Variants in CCDC3 observed in about 807,000 individuals in gnomAD.
The protein encoded by CCDC3 is coiled-coil domain containing 3, also known as coiled-coil domain-containing protein 3.
CCDC3 carries 24 observed loss-of-function variants against 21.4 expected under a neutral mutation model. The ratio of observed to expected loss-of-function variants is 1.12; its 90% CI spans 0.81 to 1.58. The LOEUF (loss-of-function observed/expected upper bound fraction) is 1.58. Ranked by LOEUF, CCDC3 falls within the 40% of genes most tolerant of loss-of-function variation. The pLI is 0.00. For missense variants in CCDC3, 425 were observed against 360.9 expected (o/e 1.18, Z -1.44); for synonymous variants, 186 against 166.0 (o/e 1.12, Z -0.93).
intron 5 of CCDC3, among the ~76,000 whole-genome samples, chr10:13,043,306 G>A (rs1836485610): frequency 6.6e-6 from 1 of 152,060 alleles, no homozygotes; most frequent in African/African-American, 2.4e-5. Flanking sequence ...CAAAGACAAA[G>A]ATAAGCTGGG....
chr10:13,069,560 C>T (rs1281350665), intron 4 of CCDC3, among the ~76,000 whole-genome samples: 2 of 152,110 alleles, frequency 1.3e-5, no homozygotes, highest in Admixed American at 1.3e-4. Context: ...CAAAATCAAA[C>T]TTCAGTTTCA....
chr10:12,925,487 CA>C (rs1393587498), intron 2 of CCDC3, among the ~76,000 whole-genome samples: 2 of 152,262 alleles, frequency 1.3e-5, no homozygotes, highest in African/African-American at 4.8e-5. Context: ...CAACTCCCCA[CA>C]AGCGGCCAGT....
At chr10:13,056,716 G>A (rs1016310633) in intron 4 of CCDC3, among the ~76,000 whole-genome samples, 8 of 152,212 alleles carry the variant, frequency 5.3e-5, no homozygotes, top group African/African-American at 1.7e-4. Flanking sequence ...TGGGGTCAGA[G>A]TAACCAGGTT....
Position 12,898,541 on chromosome 10 carries a change from G to T in CCDC3, c.688C>A (p.Gln230Lys). 6.2e-7 allele frequency: 1 copy of T among 1,614,198 alleles called. No individual in the cohort carries two copies. The change falls in exon 3 of 3, where the codon CAG becomes AAG. Residue 230 changes from glutamine to lysine, a missense_variant. Gln to Lys is a moderately conservative substitution (Grantham distance 53). Transcript: ENST00000378825. ...AGGTGGCGGCCCTTCTTACGCGCCT[G>T]CCGCAAGGACCTCTTGACCTTCTTC... is the stretch of plus-strand genomic sequence containing the variant. ...RVKKVKRSLR[Q>K]ARKKGRHLEL...
chr10:12,953,988 C>CTG (rs149108741), intron 2 of CCDC3, among the ~76,000 whole-genome samples: 1,559 of 152,310 alleles, frequency 0.01, 26 homozygotes, highest in African/African-American at 0.035. Flanking sequence ...CTGAGCATGG[C>CTG]TGTGATCCAA....
intron 2 of CCDC3, among the ~76,000 whole-genome samples, chr10:12,948,883 C>A (rs1410512584): frequency 7.7e-6 from 1 of 130,592 alleles, no homozygotes. Context: ...AGGCGCCCAC[C>A]ACCATGCCCG....
intron 2 of CCDC3, among the ~76,000 whole-genome samples, chr10:12,989,025 GTCAC>G (rs1835641292): frequency 6.6e-6 from 1 of 152,186 alleles, no homozygotes; most frequent in Admixed American, 6.5e-5. Context: ...TATATGCTTA[GTCAC>G]TCTCCAAAGT....
At chr10:12,988,347 T>C (rs1835628991) in intron 2 of CCDC3, among the ~76,000 whole-genome samples, 1 of 152,162 alleles carries the variant, frequency 6.6e-6, no homozygotes, top group Non-Finnish European at 1.5e-5. Context: ...TTCCAATTCC[T>C]ATTACCTTTT....
At chr10:13,039,832 A>G (rs1482445952) in intron 5 of CCDC3, among the ~76,000 whole-genome samples, 1 of 151,612 alleles carries the variant, frequency 6.6e-6, no homozygotes, top group Non-Finnish European at 1.5e-5. Context: ...GGTGGGTTCT[A>G]GTTGTTACAA....
At chr10:12,985,577 A>G (rs1361845500) in intron 2 of CCDC3, among the ~76,000 whole-genome samples, 1 of 152,242 alleles carries the variant, frequency 6.6e-6, no homozygotes, top group East Asian at 1.9e-4. Flanking sequence ...CATCTACACC[A>G]TGGAATACTA....
chr10:12,915,729 C>T (rs1834343069), intron 2 of CCDC3, among the ~76,000 whole-genome samples: 1 of 152,154 alleles, frequency 6.6e-6, no homozygotes, highest in South Asian at 2.1e-4. Context: ...CCTGGATCCA[C>T]TACGGTGAAC....
At chr10:12,929,348 C>T (rs1834603452) in intron 2 of CCDC3, among the ~76,000 whole-genome samples, 1 of 151,786 alleles carries the variant, frequency 6.6e-6, no homozygotes, top group Non-Finnish European at 1.5e-5. Flanking sequence ...GAACCTCTGC[C>T]TTGTCTTTAA....
At chr10:13,071,102 G>A (rs534438557) in intron 4 of CCDC3, among the ~76,000 whole-genome samples, 2 of 152,184 alleles carry the variant, frequency 1.3e-5, no homozygotes, top group South Asian at 4.1e-4. Context: ...CCACCCAGAG[G>A]TTTCCTTTTT....
intron 4 of CCDC3, among the ~76,000 whole-genome samples, chr10:13,065,853 G>T (rs182553168): frequency 2.1e-3 from 313 of 152,266 alleles, no homozygotes; most frequent in Non-Finnish European, 3.5e-3. Context: ...GACAGGAACC[G>T]AGTCTCTTTA....
At chr10:12,938,695 C>T (rs1431315566) in intron 2 of CCDC3, among the ~76,000 whole-genome samples, 1 of 152,234 alleles carries the variant, frequency 6.6e-6, no homozygotes, top group African/African-American at 2.4e-5. Flanking sequence ...GCTTCCATTA[C>T]TATCCTTTCT....
At chr10:13,064,248 C>A (rs1249024728) in intron 4 of CCDC3, among the ~76,000 whole-genome samples, 10 of 152,176 alleles carry the variant, frequency 6.6e-5, no homozygotes, top group Non-Finnish European at 1.5e-4. Context: ...AAGTCAATCA[C>A]AACTGTCCTC....
At chr10:13,015,219 G>A (rs1836039041) in intron 5 of CCDC3, among the ~76,000 whole-genome samples, 1 of 152,064 alleles carries the variant, frequency 6.6e-6, no homozygotes, top group Admixed American at 6.5e-5. Context: ...TGTAGTTACA[G>A]TAAAAGATTT....
intron 2 of CCDC3, among the ~76,000 whole-genome samples, chr10:12,953,235 A>C (rs1046821532): frequency 3.9e-5 from 6 of 152,178 alleles, no homozygotes; most frequent in Non-Finnish European, 7.3e-5. Flanking sequence ...TTTTAAAACT[A>C]TCAGATCTCA....
At chr10:13,024,076 T>A (rs1027432009) in intron 5 of CCDC3, among the ~76,000 whole-genome samples, 1 of 152,210 alleles carries the variant, frequency 6.6e-6, no homozygotes, top group African/African-American at 2.4e-5. Flanking sequence ...ACCTCTGCCC[T>A]CTGTGCTTTA....
Sources: gnomAD v4.1 joint callset for allele counts (sites outside exome capture counted in the v4.1 genomes callset) on GRCh38, gnomAD v4.1.1 for gene constraint, MANE v1.5 for transcripts, NCBI Gene and HGNC (gene_info 2026-07-23, HGNC 2026-07-21) for gene names.